The following PRKCE variants were observed in gnomAD, a reference collection of about 807,000 sequenced individuals.
The protein encoded by PRKCE is protein kinase C epsilon.
In PRKCE, 16 loss-of-function variants were observed where a neutral mutation model predicts 85.4. That is an observed-to-expected ratio of 0.19 (90% CI 0.13 to 0.28). The LOEUF (loss-of-function observed/expected upper bound fraction) is 0.28, where lower values mean the gene tolerates loss of function less well. PRKCE is among the 10% of genes least tolerant of loss of function. PRKCE has a pLI of 1.00. For missense variants in PRKCE, 573 were observed against 975.2 expected (o/e 0.59, Z 5.49); for synonymous variants, 388 against 371.5 (o/e 1.04, Z -0.51).
chr2:45,771,700 G>GGTGTGTGT (rs1259969964), intron 1 of PRKCE, among the ~76,000 whole-genome samples: 1 of 94,590 alleles, frequency 1.1e-5, no homozygotes, highest in African/African-American at 3.1e-5. Flanking sequence ...TACAGAGTGG[G>GGTGTGTGT]GCGTGTGTGT....
chr2:45,813,603 G>T (rs1688808517), intron 1 of PRKCE, among the ~76,000 whole-genome samples: 1 of 152,124 alleles, frequency 6.6e-6, no homozygotes, highest in South Asian at 2.1e-4. Context: ...GAAAATTGAG[G>T]TCCAGAGAGG....
chr2:46,042,834 T>A (rs546787592), intron 10 of PRKCE, among the ~76,000 whole-genome samples: 1 of 152,344 alleles, frequency 6.6e-6, no homozygotes, highest in South Asian at 2.1e-4. Context: ...CTTCCCAGCA[T>A]CCTTGTTCAC....
chr2:45,976,619 C>A, intron 3 of PRKCE, 31 bp downstream of exon 3: 1 of 1,593,236 alleles, frequency 6.3e-7, no homozygotes, highest in Non-Finnish European at 8.5e-7. Context: ...CCTCTAATTA[C>A]AACATCTCTG....
In PRKCE at chr2:45,907,029, TG is replaced by T. The variant is rs1697030586; in HGVS notation, c.412+63970del. Among the ~76,000 whole-genome samples the T allele has an allele frequency of 1.3e-5, 2 of 152,070 alleles. No homozygotes were observed. The highest frequency in any genetic ancestry group is 6.6e-5 in the Admixed American group (1 of 15,252). ...AATCCCCTGCAGGGACCAGGCTGGA[TG>T]GGGCCCCAGTTGCTCCAAAATTAGG... On this transcript the variant is annotated intron_variant, in intron 2 of 14. Coordinates refer to ENST00000306156, the MANE Select transcript of PRKCE (RefSeq NM_005400.3). This position sits in a 1 kb window ranked among gnomAD's most constrained non-coding sequence, Gnocchi z 4.5.
intron 8 of PRKCE, among the ~76,000 whole-genome samples, chr2:46,005,283 G>T (rs1315972030): frequency 3.0e-4 from 45 of 152,132 alleles, no homozygotes; most frequent in Admixed American, 2.9e-3. Flanking sequence ...TAATAATTCT[G>T]CAGCCATCCG....
chr2:46,166,577 T>C (rs1678358003), intron 14 of PRKCE, among the ~76,000 whole-genome samples: 1 of 152,120 alleles, frequency 6.6e-6, no homozygotes, highest in South Asian at 2.1e-4. Flanking sequence ...TGGAAGAAAA[T>C]TGCTCTCACA....
chr2:45,685,425 C>A (rs946143397), intron 1 of PRKCE: 5 of 152,058 alleles, frequency 3.3e-5, no homozygotes, highest in African/African-American at 4.8e-5. Flanking sequence ...CATACATTTC[C>A]TGAAAGCAGA....
chr2:46,013,853 G>T (rs1339031751), intron 10 of PRKCE, among the ~76,000 whole-genome samples: 1 of 152,158 alleles, frequency 6.6e-6, no homozygotes, highest in South Asian at 2.1e-4. Context: ...GCTTCAGACT[G>T]CACACTACAT....
chr2:45,901,910 A>G (rs527507437), intron 2 of PRKCE, among the ~76,000 whole-genome samples: 10 of 152,200 alleles, frequency 6.6e-5, no homozygotes, highest in Non-Finnish European at 1.0e-4. Context: ...AGAGTTTAAG[A>G]GCAGGTCATT....
At chr2:46,105,436 A>G (rs1403782197) in intron 11 of PRKCE, among the ~76,000 whole-genome samples, 2 of 131,568 alleles carry the variant, frequency 1.5e-5, no homozygotes, top group African/African-American at 5.3e-5. Flanking sequence ...TTCACAAATT[A>G]TCTTTATCTT....
At chr2:45,940,729 T>C (rs913116097) in intron 2 of PRKCE, among the ~76,000 whole-genome samples, 1 of 152,172 alleles carries the variant, frequency 6.6e-6, no homozygotes, top group Admixed American at 6.5e-5. Context: ...CACATACATA[T>C]ACCTTTTGCT....
chr2:45,658,048 A>C (rs901587437), intron 1 of PRKCE, among the ~76,000 whole-genome samples: 1 of 152,236 alleles, frequency 6.6e-6, no homozygotes, highest in Non-Finnish European at 1.5e-5. Context: ...AAAATTTTTT[A>C]AAAGGATTTC....
At chr2:45,958,416 G>A (rs1424080630) in intron 2 of PRKCE, among the ~76,000 whole-genome samples, 1 of 151,028 alleles carries the variant, frequency 6.6e-6, no homozygotes, top group Non-Finnish European at 1.5e-5. Flanking sequence ...GGTTGAGGCA[G>A]GAGAATGGCA....
chr2:46,057,527 C>T (rs925543824), intron 10 of PRKCE, among the ~76,000 whole-genome samples: 4 of 151,840 alleles, frequency 2.6e-5, no homozygotes, highest in Non-Finnish European at 5.9e-5. Context: ...CTCCACCTCC[C>T]AGGTTCAAGC....
rs1697079641 is a variant in PRKCE, at chr2:45,907,632, C to G, written c.412+64569C>G. ...AGTGCCAATCATCGTGGTCCGCATT[C>G]TATGGACTGTTCTGTCCAGGGAGAA... On this transcript the variant is annotated intron_variant, in intron 2 of 14. Coordinates refer to ENST00000306156, the MANE Select transcript of PRKCE (RefSeq NM_005400.3). The surrounding 1 kb of genome is among the most constrained non-coding windows in gnomAD (Gnocchi z 4.5). Among the ~76,000 whole-genome samples the G allele has an allele frequency of 6.6e-6, 1 of 152,196 alleles. No homozygotes were observed. Among genetic ancestry groups the G allele is most frequent in the Non-Finnish European group, 1.5e-5 (1 of 68,042 alleles).
chr2:45,693,054 G>A (rs1677864890), intron 1 of PRKCE, among the ~76,000 whole-genome samples: 1 of 152,098 alleles, frequency 6.6e-6, no homozygotes, highest in South Asian at 2.1e-4. Context: ...GGCTCAGGAG[G>A]CCTGAACTTG....
At chr2:45,759,692 A>G (rs1239840752) in intron 1 of PRKCE, among the ~76,000 whole-genome samples, 1 of 152,248 alleles carries the variant, frequency 6.6e-6, no homozygotes, top group Non-Finnish European at 1.5e-5. Context: ...GGAGTAAGAC[A>G]GAAATAGCTA....
chr2:46,022,874 G>C (rs1706784925), intron 10 of PRKCE, among the ~76,000 whole-genome samples: 1 of 151,840 alleles, frequency 6.6e-6, no homozygotes, highest in Non-Finnish European at 1.5e-5. Context: ...ATGAGGTCAG[G>C]AGATCGAGAC....
chr2:46,088,100 T>C (rs530094961), intron 11 of PRKCE, among the ~76,000 whole-genome samples: 13 of 152,296 alleles, frequency 8.5e-5, no homozygotes, highest in African/African-American at 3.1e-4. Flanking sequence ...CTTTGCCATA[T>C]TCTGTTGGTT....
Sources: gnomAD v4.1 joint callset for allele counts (sites outside exome capture counted in the v4.1 genomes callset) on GRCh38, gnomAD v4.1.1 for gene constraint, Gnocchi (gnomAD v3.1) non-coding constraint, MANE v1.5 for transcripts, NCBI Gene and HGNC (gene_info 2026-07-23, HGNC 2026-07-21) for gene names.